Variants in CEP85L observed in about 807,000 individuals in gnomAD.
CEP85L encodes the protein centrosomal protein 85L, also known as centrosomal protein of 85 kDa-like.
Under a neutral mutation model 100.3 loss-of-function variants are expected in CEP85L, and 60 were observed. The observed-to-expected ratio is 0.60, with a 90% CI of 0.49 to 0.74. The LOEUF (loss-of-function observed/expected upper bound fraction) is 0.74. Ranked by LOEUF, CEP85L falls within the 30% of genes least tolerant of loss-of-function variation. The probability of loss-of-function intolerance (pLI) is 0.00; values close to 1 mark genes in which losing one functional copy is unlikely to be tolerated. For missense variants in CEP85L, 973 were observed against 936.2 expected (o/e 1.04, Z -0.51); for synonymous variants, 319 against 322.7 (o/e 0.99, Z 0.12).
chr6:118,561,502 A>G (rs1309438621), intron 3 of CEP85L, among the ~76,000 whole-genome samples: 1 of 152,146 alleles, frequency 6.6e-6, no homozygotes, highest in African/African-American at 2.4e-5. Context: ...AGTGTAAAGA[A>G]TAAGATATAA....
chr6:118,576,925 C>T (rs565059612), intron 2 of CEP85L, among the ~76,000 whole-genome samples: 26 of 152,308 alleles, frequency 1.7e-4, no homozygotes, highest in South Asian at 1.2e-3. Flanking sequence ...TACGCTTGTG[C>T]GACAGGTAGG....
intron 3 of CEP85L, among the ~76,000 whole-genome samples, chr6:118,553,967 CTAGT>C (rs1399150047): frequency 2.0e-5 from 3 of 152,114 alleles, no homozygotes; most frequent in Non-Finnish European, 2.9e-5. Context: ...GTTATTAGAA[CTAGT>C]TAATCTGTCA....
chr6:118,582,292 G>A (rs1780619762), intron 2 of CEP85L, among the ~76,000 whole-genome samples: 4 of 152,106 alleles, frequency 2.6e-5, no homozygotes, highest in Admixed American at 2.6e-4. Context: ...ACAGAGACTT[G>A]GCCCAATTTT....
chr6:118,646,913 T>C, intron 1 of CEP85L: 1 of 984,560 alleles, frequency 1.0e-6, no homozygotes, highest in Non-Finnish European at 1.2e-6. Context: ...TCACCATTTA[T>C]TGCTTGGCCT....
In CEP85L at chr6:118,480,418, T is replaced by C; in HGVS notation, c.1841A>G (p.Gln614Arg). The change falls in exon 9 of 13, where the codon CAA (glutamine) becomes CGA (arginine). Residue 614 changes from glutamine (Q) to arginine (R), a missense_variant. By Grantham distance (43) the Gln-to-Arg change is conservative (BLOSUM62 1). Transcript: ENST00000368491. ...GACCTTACTAGCAGTCTCATTTTGT[T>C]GTCTGAGATTATCATTTTCATTCTG... ...QLQNENDNLR[Q>R]QNETASKIID... 1 of 1,608,820 alleles carries C rather than the reference T, an allele frequency of 6.2e-7. No homozygotes were observed. The highest frequency in any genetic ancestry group is 2.2e-5 in the East Asian group (1 of 44,740).
intron 1 of CEP85L, among the ~76,000 whole-genome samples, chr6:118,633,874 G>A (rs190869263): frequency 6.6e-6 from 1 of 152,320 alleles, no homozygotes; most frequent in Admixed American, 6.5e-5. Flanking sequence ...TAAAAGTTAA[G>A]AAGTTCCCCT....
In CEP85L at chr6:118,651,316, T is replaced by A; in HGVS notation, c.-47A>T. The A allele has an allele frequency of 1.9e-5, 27 of 1,423,510 alleles. No individual in the cohort carries two copies. Among genetic ancestry groups the A allele is most frequent in the Non-Finnish European group, 2.5e-5 (27 of 1,089,508 alleles). 88.2% of individuals were successfully genotyped at this position (1,423,510 alleles called of 1,614,324 possible). On this transcript the variant is annotated 5_prime_UTR_variant, in exon 1 of 13. Coordinates refer to ENST00000368491, the MANE Select transcript of CEP85L (RefSeq NM_001042475.3). ...GGCCAGGGACGCCCGACTCCTCACG[T>A]CCGTCCTCCTGCTTCTTCGGCGGCG...
intron 2 of CEP85L, among the ~76,000 whole-genome samples, chr6:118,632,068 C>A (rs1381743941): frequency 6.6e-6 from 1 of 152,206 alleles, no homozygotes; most frequent in Non-Finnish European, 1.5e-5. Flanking sequence ...CAGCTCACTG[C>A]AAGCTCCGCC....
intron 2 of CEP85L, among the ~76,000 whole-genome samples, chr6:118,590,650 C>T (rs549904131): frequency 6.6e-6 from 1 of 152,160 alleles, no homozygotes; most frequent in African/African-American, 2.4e-5. Flanking sequence ...GGAGTTCCCC[C>T]TCTCAGCTTG....
intron 5 of CEP85L, among the ~76,000 whole-genome samples, chr6:118,496,414 G>T (rs1443922420): frequency 1.1e-5 from 1 of 91,638 alleles, no homozygotes; most frequent in Admixed American, 9.6e-5. Context: ...GGAGTGCAAT[G>T]GCACGATCTC....
At chr6:118,679,208 C>T (rs543501499) in intron 1 of CEP85L, among the ~76,000 whole-genome samples, 3 of 152,228 alleles carry the variant, frequency 2.0e-5, no homozygotes, top group Admixed American at 1.3e-4. Context: ...TATTATACTC[C>T]TATTATTTTT....
chr6:118,648,138 C>T (rs1775320896), intron 1 of CEP85L, among the ~76,000 whole-genome samples: 1 of 152,166 alleles, frequency 6.6e-6, no homozygotes, highest in Non-Finnish European at 1.5e-5. Context: ...CCGGTAATCC[C>T]AGCCATTTGG....
chr6:118,481,458 A>C (rs1337684315), intron 8 of CEP85L, among the ~76,000 whole-genome samples: 1 of 152,128 alleles, frequency 6.6e-6, no homozygotes, highest in African/African-American at 2.4e-5. Context: ...AAAAACCTGA[A>C]ATCTGAAATG....
chr6:118,595,679 AGT>A (rs1284882490), intron 2 of CEP85L, among the ~76,000 whole-genome samples: 5 of 152,248 alleles, frequency 3.3e-5, no homozygotes, highest in African/African-American at 1.2e-4. Context: ...AAGTATAATA[AGT>A]GTGTAAATTA....
At chr6:118,614,190 A>C (rs1772859538) in intron 2 of CEP85L, among the ~76,000 whole-genome samples, 1 of 152,210 alleles carries the variant, frequency 6.6e-6, no homozygotes, top group Non-Finnish European at 1.5e-5. Flanking sequence ...CATGATAAAA[A>C]CCCTCTGCAA....
intron 1 of CEP85L, among the ~76,000 whole-genome samples, chr6:118,646,475 C>G (rs1775199038): frequency 6.6e-6 from 1 of 151,914 alleles, no homozygotes; most frequent in East Asian, 1.9e-4. Flanking sequence ...TCAAGACCAA[C>G]CTGGTCAACA....
chr6:118,568,335 G>T (rs1424396110), intron 2 of CEP85L, among the ~76,000 whole-genome samples: 1 of 152,142 alleles, frequency 6.6e-6, no homozygotes, highest in Non-Finnish European at 1.5e-5. Context: ...ATTCTGTGAA[G>T]CACCAAATAT....
intron 1 of CEP85L, among the ~76,000 whole-genome samples, chr6:118,636,078 A>T (rs59858756): frequency 0.013 from 1,933 of 152,292 alleles, 52 homozygotes; most frequent in African/African-American, 0.044. Context: ...CTGTAGTCTA[A>T]ATCAGCTGTA....
At chr6:118,635,428 T>C (rs969547545) in intron 1 of CEP85L, among the ~76,000 whole-genome samples, 2 of 152,180 alleles carry the variant, frequency 1.3e-5, no homozygotes, top group African/African-American at 4.8e-5. Context: ...GGGAGCTCTA[T>C]ATCTAAATGC....
Sources: gnomAD v4.1 joint callset for allele counts (sites outside exome capture counted in the v4.1 genomes callset) on GRCh38, gnomAD v4.1.1 for gene constraint, MANE v1.5 for transcripts, NCBI Gene and HGNC (gene_info 2026-07-23, HGNC 2026-07-21) for gene names.